The following NRP1 variants were observed in gnomAD, a reference collection of about 807,000 sequenced individuals.
The protein encoded by NRP1 is neuropilin-1.
Under a neutral mutation model 106.7 loss-of-function variants are expected in NRP1, and 35 were observed. The ratio of observed to expected loss-of-function variants is 0.33; its 90% confidence interval spans 0.25 to 0.43. NRP1 has a LOEUF of 0.43. Ranked by LOEUF, NRP1 falls within the 20% of genes least tolerant of loss-of-function variation. The probability of loss-of-function intolerance (pLI) is 1.00; values close to 1 mark genes in which losing one functional copy is unlikely to be tolerated. For missense variants in NRP1, 1,024 were observed against 1,170.4 expected (o/e 0.87, Z 1.83); for synonymous variants, 437 against 417.9 (o/e 1.05, Z -0.56).
chr10:33,287,574 C>T (rs191222127), intron 2 of NRP1, among the ~76,000 whole-genome samples: 1 of 152,316 alleles, frequency 6.6e-6, no homozygotes, highest in African/African-American at 2.4e-5. Flanking sequence ...TGTCCTGTTA[C>T]ACATGAGAAT....
intron 2 of NRP1, among the ~76,000 whole-genome samples, chr10:33,272,105 C>T (rs1266911017): frequency 6.6e-6 from 1 of 152,152 alleles, no homozygotes; most frequent in African/African-American, 2.4e-5. Context: ...TCATCTTTAA[C>T]AATCTCTTCT....
intron 3 of NRP1, among the ~76,000 whole-genome samples, chr10:33,265,038 A>G (rs1842831639): frequency 1.3e-5 from 2 of 150,830 alleles, no homozygotes; most frequent in Non-Finnish European, 3.0e-5. Context: ...TGAACCCGGG[A>G]GGCAGAGGTT....
In NRP1 at chr10:33,177,568, A is replaced by C. The variant is rs2132550541; in HGVS notation, c.*2508T>G. On this transcript the variant is annotated 3_prime_UTR_variant, in exon 17 of 17. Transcript: ENST00000374867. The stretch of plus-strand genomic sequence containing the variant: ...AGTCATAGTTTGGAATTTAAGTTAC[A>C]GTTCAGTTCTATGTGGTTTTTATGC... The C allele has an allele frequency of 6.5e-6, 1 of 152,772 alleles. No homozygotes were observed. Among genetic ancestry groups the C allele is most frequent in the East Asian group, 1.9e-4 (1 of 5,188 alleles). The allele number at this position is 152,772 out of a possible 1,614,324, so 9.5% of individuals were successfully genotyped here.
rs568130120 is a variant in NRP1 at position 33,285,437 on chromosome 10, C to G, written c.249-14581G>C. On this transcript the variant is annotated intron_variant, in intron 2 of 16. Coordinates refer to ENST00000374867, the MANE Select transcript of NRP1 (RefSeq NM_003873.7). ...CACAATATTCTGATGAAAGACAAAT[C>G]ATGACATCTCATTTTCTAGGTGATG... Among the ~76,000 whole-genome samples, 4 of 152,164 alleles carry G rather than the reference C, an allele frequency of 2.6e-5. No individual in the cohort carries two copies. In the South Asian group the frequency reaches 8.3e-4, roughly 32 times the overall value.
chr10:33,293,869 T>C (rs2132648665), intron 2 of NRP1, among the ~76,000 whole-genome samples: 1 of 152,350 alleles, frequency 6.6e-6, no homozygotes, highest in Middle Eastern at 3.4e-3. Context: ...TGTGAATGAA[T>C]GGATTTCACT....
chr10:33,186,617 G>C, intron 13 of NRP1, 129 bp from the exon 14 acceptor site: 1 of 1,099,672 alleles, frequency 9.1e-7, no homozygotes, highest in Admixed American at 2.6e-5. Context: ...GTAGTGGAAA[G>C]GGATAAGTGT....
intron 13 of NRP1, among the ~76,000 whole-genome samples, chr10:33,191,020 TA>T (rs11294699): frequency 0.35 from 52,523 of 150,730 alleles, 9,769 homozygotes; most frequent in East Asian, 0.6. Flanking sequence ...TGGCTGATTT[TA>T]AAAAAAAAAT....
At chr10:33,298,102 A>G (rs1845543626) in intron 2 of NRP1, among the ~76,000 whole-genome samples, 1 of 152,160 alleles carries the variant, frequency 6.6e-6, no homozygotes, top group Non-Finnish European at 1.5e-5. Context: ...AGATCTTGGG[A>G]TCCTCTGGAA....
chr10:33,208,899 CTTTTTTTTTTT>C (rs11310131), intron 9 of NRP1, among the ~76,000 whole-genome samples: 1 of 85,240 alleles, frequency 1.2e-5, no homozygotes, highest in African/African-American at 4.7e-5. Context: ...TTAGAGCAGC[CTTTTTTTTTTT>C]TTTTTTTTTT....
chr10:33,201,650 G>T (rs1384724324), intron 11 of NRP1: 2 of 152,114 alleles, frequency 1.3e-5, no homozygotes, highest in African/African-American at 4.8e-5. Context: ...GTGGCTGCTT[G>T]TATACAAGAT....
rs1836888713 is a variant in NRP1 at position 33,197,726 on chromosome 10, G to A, written c.1865-17C>T. 2.6e-6 allele frequency: 4 copies of A among 1,544,852 alleles called. No homozygotes were observed. Among genetic ancestry groups the A allele is most frequent in the Non-Finnish European group, 2.7e-6 (3 of 1,124,244 alleles). On this transcript the variant is annotated splice_polypyrimidine_tract_variant and intron_variant, in intron 11 of 16. Transcript: ENST00000374867. ...TGGTGCCACCTGAAAAACAAAAACAGGAACATGCAAAAATAAGAAAACAGT... is the reference window on the plus strand; with the variant it reads ...TGGTGCCACCTGAAAAACAAAAACAAGAACATGCAAAAATAAGAAAACAGT...
Position 33,178,444 on chromosome 10 carries a change from A to G in NRP1, c.*1632T>C, listed in dbSNP as rs1175134836. 2.6e-5 allele frequency: 4 copies of G among 151,746 alleles called. No individual in the cohort carries two copies. The highest frequency in any genetic ancestry group is 4.4e-5 in the Non-Finnish European group (3 of 67,970). 9.4% of individuals were successfully genotyped at this position (151,746 alleles called of 1,614,324 possible). Reference sequence around the variant, plus strand: ...TTTCTAGAAGCATTCATTTAAGTCTATTTTTTCAAGGTTGCTGTTATGAAT... The same window carrying G: ...TTTCTAGAAGCATTCATTTAAGTCTGTTTTTTCAAGGTTGCTGTTATGAAT... On this transcript the variant is annotated 3_prime_UTR_variant, in exon 17 of 17. Transcript: ENST00000374867.
At chr10:33,193,435 G>A (rs907140382) in intron 12 of NRP1, among the ~76,000 whole-genome samples, 2 of 152,156 alleles carry the variant, frequency 1.3e-5, no homozygotes, top group Non-Finnish European at 2.9e-5. Flanking sequence ...CCCTCCTTTC[G>A]TCCTCCTATA....
intron 2 of NRP1, among the ~76,000 whole-genome samples, chr10:33,271,309 C>A (rs1254270353): frequency 6.6e-6 from 1 of 152,162 alleles, no homozygotes; most frequent in East Asian, 1.9e-4. Flanking sequence ...ACTTTGATTT[C>A]TGTGAGCGAC....
intron 6 of NRP1, among the ~76,000 whole-genome samples, chr10:33,238,103 T>C (rs572862131): frequency 7.2e-5 from 11 of 152,222 alleles, no homozygotes; most frequent in Non-Finnish European, 1.3e-4. Context: ...GAGGTAATTC[T>C]GCTAAAATGT....
At chr10:33,277,820 A>T (rs1843819139) in intron 2 of NRP1, among the ~76,000 whole-genome samples, 1 of 152,092 alleles carries the variant, frequency 6.6e-6, no homozygotes, top group African/African-American at 2.4e-5. Context: ...TTTCTTTTTT[A>T]AAAATATTTT....
intron 6 of NRP1, among the ~76,000 whole-genome samples, chr10:33,241,805 A>G (rs1841046873): frequency 6.6e-6 from 1 of 152,180 alleles, no homozygotes; most frequent in African/African-American, 2.4e-5. Flanking sequence ...TTATAGTTTT[A>G]GATGCAAAGT....
At chr10:33,206,800 A>G (rs986814966) in intron 10 of NRP1, among the ~76,000 whole-genome samples, 2 of 152,222 alleles carry the variant, frequency 1.3e-5, no homozygotes, top group Admixed American at 6.5e-5. Context: ...AAACGGTACA[A>G]TAACCCACTC....
At chr10:33,223,999 T>C (rs1435944944) in intron 7 of NRP1, among the ~76,000 whole-genome samples, 2 of 151,886 alleles carry the variant, frequency 1.3e-5, no homozygotes, top group South Asian at 2.1e-4. Context: ...ATGAAGAGGG[T>C]TGCTGGAGTT....
Sources: allele counts gnomAD v4.1 joint callset (sites outside exome capture counted in the v4.1 genomes callset), GRCh38; gene constraint gnomAD v4.1.1; transcripts MANE v1.5; gene names NCBI Gene and HGNC (gene_info 2026-07-23, HGNC 2026-07-21).